The following KREMEN1 variants were observed in gnomAD, a reference collection of about 807,000 sequenced individuals.
KREMEN1 encodes the protein kremen protein 1.
A neutral mutation model predicts 46.5 loss-of-function variants in KREMEN1; 30 were observed. That is an observed-to-expected ratio of 0.65 (90% CI 0.48 to 0.88). The LOEUF is 0.88. Among genes scored for constraint, KREMEN1 ranks in the 40% least tolerant of loss-of-function variants. The pLI is 0.00. For synonymous variants in KREMEN1, 214 were observed against 230.6 expected (o/e 0.93, Z 0.65); for missense variants, 533 against 596.9 (o/e 0.89, Z 1.11).
intron 3 of KREMEN1, among the ~76,000 whole-genome samples, chr22:29,113,538 C>T (rs1350996882): frequency 6.6e-6 from 1 of 152,140 alleles, no homozygotes; most frequent in Non-Finnish European, 1.5e-5. Flanking sequence ...TCTGCTAGGC[C>T]TTGTGGTATT....
Position 29,153,212 on chromosome 22 carries a change from G to A in KREMEN1, c.1416+11112G>A, listed in dbSNP as rs190805298. On this transcript the variant is annotated intron_variant, in intron 9 of 9. Coordinates refer to the KREMEN1 transcript ENST00000327813. ...ATGTTGGTTTTGGCGGGTTTTGTCC[G>A]GCTTCTTCACTGCATCTCATTTTAT... Among the ~76,000 whole-genome samples, 9 of 152,252 alleles carry A rather than the reference G, an allele frequency of 5.9e-5. No homozygotes were observed. In the East Asian group the frequency reaches 1.5e-3, roughly 26 times the overall value.
At position 29,140,332 on chromosome 22, in the gene KREMEN1, A is replaced by G. The variant is rs771670066; in HGVS notation, c.1174A>G (p.Ile392Val). The G allele has an allele frequency of 1.7e-5, 27 of 1,614,034 alleles. No homozygotes were observed. Among genetic ancestry groups the G allele is most frequent in the Non-Finnish European group, 2.1e-5 (25 of 1,179,968 alleles). ...TCTCCTCATCCTCACAGTCACAGCC[A>G]TTGTAGCAAAGATACTTCTGCACGT... ...ATLLILTVTAIVAKILLHVTF... is the reference protein window; with the variant it reads ...ATLLILTVTAVVAKILLHVTF... The change falls in exon 8 of 9, where the codon ATT (isoleucine) becomes GTT (valine). Residue 392 changes from isoleucine (I) to valine (V), a missense_variant. Ile to Val is a conservative substitution (Grantham distance 29, BLOSUM62 3). Coordinates refer to ENST00000400335, the MANE Select transcript of KREMEN1 (RefSeq NM_001039570.3).
intron 8 of KREMEN1, among the ~76,000 whole-genome samples, chr22:29,141,331 C>T (rs554470438): frequency 2.0e-4 from 30 of 152,008 alleles, no homozygotes; most frequent in Non-Finnish European, 3.8e-4. Context: ...TTTAAAGTCA[C>T]AATTCACATG....
chr22:29,111,266 C>T (rs1269643514), intron 3 of KREMEN1, among the ~76,000 whole-genome samples: 1 of 149,718 alleles, frequency 6.7e-6, no homozygotes, highest in Non-Finnish European at 1.5e-5. Context: ...ATGATTGTAT[C>T]ACTGCACTCC....
rs1374099585 is a variant in KREMEN1 at position 29,144,722 on chromosome 22, G to A, written c.*2610G>A. 1 of 985,412 alleles carries A rather than the reference G, an allele frequency of 1.0e-6. No homozygotes were observed. Among genetic ancestry groups the A allele is most frequent in the African/African-American group, 1.7e-5 (1 of 57,254 alleles). The allele number at this position is 985,412 out of a possible 1,614,324, so 61.0% of individuals were successfully genotyped here. Reference sequence around the variant, plus strand: ...CCCCAGGAAGAGTTCACCCGGCCAGGGGGCAGTTGTTCAGTTGCCTGGGGC... The same window carrying A: ...CCCCAGGAAGAGTTCACCCGGCCAGAGGGCAGTTGTTCAGTTGCCTGGGGC... On this transcript the variant is annotated 3_prime_UTR_variant, in exon 9 of 9. Coordinates refer to ENST00000400335, the MANE Select transcript of KREMEN1 (RefSeq NM_001039570.3).
chr22:29,105,621 T>C (rs1467182289), intron 3 of KREMEN1, among the ~76,000 whole-genome samples: 1 of 152,128 alleles, frequency 6.6e-6, no homozygotes, highest in Non-Finnish European at 1.5e-5. Flanking sequence ...TCAGGTCTTA[T>C]GGTCTGGGTA....
At chr22:29,165,159 C>T (rs544186226) in intron 9 of KREMEN1, among the ~76,000 whole-genome samples, 1 of 151,710 alleles carries the variant, frequency 6.6e-6, no homozygotes, top group African/African-American at 2.4e-5. Context: ...GGCAACGGAG[C>T]GAGACTCCAT....
intron 3 of KREMEN1, among the ~76,000 whole-genome samples, chr22:29,120,663 C>T (rs1045922168): frequency 1.0e-4 from 4 of 38,792 alleles, no homozygotes; most frequent in African/African-American, 3.7e-4. Flanking sequence ...TGAAATGGTG[C>T]GGCTGCAAGC....
In KREMEN1 at chr22:29,143,579, A is replaced by G; in HGVS notation, c.*1467A>G. ...AAGATGGTGAAACCCCGTCTCTACT[A>G]AAAATACAAAAAATTAGCTGGGTGT... On this transcript the variant is annotated 3_prime_UTR_variant, in exon 9 of 9. Coordinates refer to ENST00000400335, the MANE Select transcript of KREMEN1 (RefSeq NM_001039570.3). 1.4e-6 allele frequency: 1 copy of G among 690,144 alleles called. No homozygotes were observed. The highest frequency in any genetic ancestry group is 1.8e-6 in the Non-Finnish European group (1 of 560,628). The allele number at this position is 690,144 out of a possible 1,614,324, so 42.8% of individuals were successfully genotyped here.
At position 29,094,344 on chromosome 22, in the gene KREMEN1, G is replaced by A. The variant is rs1389534034; in HGVS notation, c.184G>A (p.Glu62Lys). 1.2e-6 allele frequency: 2 copies of A among 1,614,032 alleles called. No individual in the cohort carries two copies. Among genetic ancestry groups the A allele is most frequent in the Non-Finnish European group, 8.5e-7 (1 of 1,179,962 alleles). ...QGGKPCLFWN[E>K]TFQHPYNTLK... ...CGGGAAGCCATGTCTGTTTTGGAAC[G>A]AGACTTTCCAGCATCCATACAACAC... Residue 62 changes from glutamate to lysine, a missense_variant, in exon 2 of 9, where the codon GAG becomes AAG. Coordinates refer to ENST00000400335, the MANE Select transcript of KREMEN1 (RefSeq NM_001039570.3).
chr22:29,159,168 G>A (rs1028289501), intron 9 of KREMEN1, among the ~76,000 whole-genome samples: 12 of 132,502 alleles, frequency 9.1e-5, no homozygotes, highest in South Asian at 2.4e-4. Context: ...ATCTCACTTC[G>A]TTGCCCAGGC....
intron 3 of KREMEN1, among the ~76,000 whole-genome samples, chr22:29,100,276 C>T (rs1199707631): frequency 6.6e-6 from 1 of 151,992 alleles, no homozygotes; most frequent in Non-Finnish European, 1.5e-5. Flanking sequence ...CCACCACGCC[C>T]GGCTAATTTT....
At chr22:29,129,706 C>T (rs13056416) in intron 5 of KREMEN1, among the ~76,000 whole-genome samples, 19,914 of 152,064 alleles carry the variant, frequency 0.13, 1,699 homozygotes, top group Non-Finnish European at 0.18. Context: ...GGCAGACAGA[C>T]GACGGGGCTA....
chr22:29,087,628 C>T (rs1274831812), intron 1 of KREMEN1, among the ~76,000 whole-genome samples: 2 of 151,792 alleles, frequency 1.3e-5, no homozygotes, highest in Non-Finnish European at 2.9e-5. Context: ...TGCAATGGTG[C>T]GATCTTGGCT....
At chr22:29,094,508 G>C in intron 2 of KREMEN1, 88 bp downstream of exon 2, 1 of 1,272,896 alleles carries the variant, frequency 7.9e-7, no homozygotes. Context: ...CACAACTAGG[G>C]GAAGTCTTTT....
chr22:29,088,108 CT>C (rs988410057), intron 1 of KREMEN1, among the ~76,000 whole-genome samples: 1 of 152,076 alleles, frequency 6.6e-6, no homozygotes, highest in African/African-American at 2.4e-5. Context: ...TCCTCTGTAT[CT>C]TTTTCCCTTA....
intron 9 of KREMEN1, among the ~76,000 whole-genome samples, chr22:29,164,386 C>A (rs905289443): frequency 2.0e-5 from 3 of 152,170 alleles, no homozygotes; most frequent in Non-Finnish European, 4.4e-5. Context: ...TTAGTAACAG[C>A]GCCTTGCTAT....
chr22:29,114,247 G>C (rs1024405134), intron 3 of KREMEN1, among the ~76,000 whole-genome samples: 48 of 152,246 alleles, frequency 3.2e-4, no homozygotes, highest in African/African-American at 1.1e-3. Context: ...ACTTTGGGAG[G>C]CTGAGGCAGG....
At chr22:29,163,673 G>A (rs1043055193) in intron 9 of KREMEN1, among the ~76,000 whole-genome samples, 2 of 151,590 alleles carry the variant, frequency 1.3e-5, no homozygotes, top group Admixed American at 1.3e-4. Flanking sequence ...CACCACGCCC[G>A]GCCTCAGGCA....
Sources: gnomAD v4.1 joint callset for allele counts (sites outside exome capture counted in the v4.1 genomes callset) on GRCh38, gnomAD v4.1.1 for gene constraint, MANE v1.5 for transcripts, NCBI Gene and HGNC (gene_info 2026-07-23, HGNC 2026-07-21) for gene names.